SH3KBP1: variants seen among roughly 807,000 people sequenced by gnomAD.
The protein encoded by SH3KBP1 is SH3 domain containing kinase binding protein 1.
A neutral mutation model predicts 50.1 loss-of-function variants in SH3KBP1; 8 were observed. The observed-to-expected ratio is 0.16, with a 90% CI of 0.09 to 0.29. SH3KBP1 has a LOEUF of 0.29. Among genes scored for constraint, SH3KBP1 ranks in the 10% least tolerant of loss-of-function variants. SH3KBP1 has a pLI of 1.00. For synonymous variants in SH3KBP1, 227 were observed against 218.6 expected (o/e 1.04, Z -0.34); for missense variants, 377 against 535.2 (o/e 0.70, Z 2.92).
At chrX:19,674,456 T>C (rs1350712403) in intron 6 of SH3KBP1, among the ~76,000 whole-genome samples, 1 of 112,105 alleles carries the variant, frequency 8.9e-6, no homozygotes. Context: ...AGGCATTCAA[T>C]AAAGCTTCAG....
At chrX:19,592,005 G>A (rs765341670) in intron 11 of SH3KBP1, 62 bp downstream of exon 11, 233 of 916,941 alleles carry the variant, frequency 2.5e-4, no homozygotes, top group Non-Finnish European at 3.6e-4. Context: ...TGGACTAGCC[G>A]TGTAACAGAC....
At chrX:19,590,809 ATTTTTTTTT>A (rs34366083) in intron 11 of SH3KBP1, among the ~76,000 whole-genome samples, 6 of 23,764 alleles carry the variant, frequency 2.5e-4, no homozygotes, top group African/African-American at 3.8e-4. Context: ...AGGCCTGGCT[ATTTTTTTTT>A]TTTTTTTTTT....
intron 2 of SH3KBP1, among the ~76,000 whole-genome samples, chrX:19,804,270 C>T (rs2066969506): frequency 9.0e-6 from 1 of 111,249 alleles, no homozygotes; most frequent in Non-Finnish European, 1.9e-5. Flanking sequence ...CAACTCCTAC[C>T]TCATAATCAT....
At chrX:19,824,375 A>T (rs983739710) in intron 2 of SH3KBP1, among the ~76,000 whole-genome samples, 1 of 111,837 alleles carries the variant, frequency 8.9e-6, no homozygotes, top group Non-Finnish European at 1.9e-5. Context: ...GTACTGCCCT[A>T]TCGGTACCAT....
chrX:19,639,020 G>T (rs1283795583), intron 7 of SH3KBP1, among the ~76,000 whole-genome samples: 1 of 111,602 alleles, frequency 9.0e-6, no homozygotes, highest in Non-Finnish European at 1.9e-5. Context: ...GCATCTAGTG[G>T]GCAGAGGCCA....
intron 12 of SH3KBP1, among the ~76,000 whole-genome samples, chrX:19,584,467 C>G (rs1471624746): frequency 1.9e-5 from 2 of 106,948 alleles, no homozygotes; most frequent in African/African-American, 6.8e-5. Context: ...GTAGCTGAGA[C>G]TACAGATGTG....
chrX:19,863,860 G>A (rs1199283017), intron 1 of SH3KBP1, among the ~76,000 whole-genome samples: 1 of 112,074 alleles, frequency 8.9e-6, no homozygotes, highest in Non-Finnish European at 1.9e-5. Context: ...CAATCACAAA[G>A]CCTACAAACA....
At chrX:19,776,590 A>G (rs67848705) in intron 2 of SH3KBP1, among the ~76,000 whole-genome samples, 16,918 of 93,691 alleles carry the variant, frequency 0.18, 2,048 homozygotes, top group African/African-American at 0.35. Flanking sequence ...CTCTGTCACC[A>G]AAGCTGGAAT....
intron 4 of SH3KBP1, among the ~76,000 whole-genome samples, 197 bp downstream of exon 4, chrX:19,706,684 C>T (rs896832617): frequency 9.0e-6 from 1 of 110,576 alleles, no homozygotes; most frequent in South Asian, 3.8e-4. Flanking sequence ...TTCCAATGGC[C>T]CCAGGTATGA....
At chrX:19,884,249 C>A (rs1164279873) in intron 1 of SH3KBP1, among the ~76,000 whole-genome samples, 8 of 112,989 alleles carry the variant, frequency 7.1e-5, no homozygotes, top group Non-Finnish European at 1.3e-4. Flanking sequence ...CTTCATTAGA[C>A]TGAGAAGCCC....
At chrX:19,545,281 G>A (rs1332827625) in intron 15 of SH3KBP1, among the ~76,000 whole-genome samples, 2 of 112,055 alleles carry the variant, frequency 1.8e-5, no homozygotes, top group Non-Finnish European at 3.8e-5. Flanking sequence ...ATCTTGGTTC[G>A]TATTCACAGG....
intron 9 of SH3KBP1, among the ~76,000 whole-genome samples, chrX:19,607,232 G>A (rs925067520): frequency 8.9e-6 from 1 of 112,560 alleles, no homozygotes; most frequent in Admixed American, 9.4e-5. Context: ...AAGGTGGGCA[G>A]AGGCCACGCA....
chrX:19,865,314 T>G (rs1252067545), intron 1 of SH3KBP1, among the ~76,000 whole-genome samples: 1 of 112,236 alleles, frequency 8.9e-6, no homozygotes, highest in African/African-American at 3.2e-5. Context: ...GTTCTTCTGG[T>G]TGTTTGGCTG....
intron 1 of SH3KBP1, among the ~76,000 whole-genome samples, chrX:19,854,352 A>G (rs2068591912): frequency 9.0e-6 from 1 of 111,073 alleles, no homozygotes; most frequent in Admixed American, 9.6e-5. Flanking sequence ...CCTGACCTCC[A>G]GCAATCTGCC....
chrX:19,631,247 C>G (rs1411986560), intron 8 of SH3KBP1, among the ~76,000 whole-genome samples: 2 of 112,728 alleles, frequency 1.8e-5, no homozygotes, highest in African/African-American at 6.4e-5. Context: ...ATCTTTCAAC[C>G]ACCTACTTGG....
At chrX:19,594,249 T>A (rs1282469070) in intron 10 of SH3KBP1, among the ~76,000 whole-genome samples, 1 of 112,108 alleles carries the variant, frequency 8.9e-6, no homozygotes, top group African/African-American at 3.2e-5. Flanking sequence ...TAATTTTAAC[T>A]ATTATAAAGA....
chrX:19,644,011 G>C (rs2061932298), intron 7 of SH3KBP1, among the ~76,000 whole-genome samples: 1 of 111,965 alleles, frequency 8.9e-6, no homozygotes, highest in Non-Finnish European at 1.9e-5. Context: ...GTTCCTAGAG[G>C]GCCAGGTATG....
chrX:19,576,524 C>T (rs1253215328), intron 12 of SH3KBP1, among the ~76,000 whole-genome samples: 1 of 111,610 alleles, frequency 9.0e-6, no homozygotes, highest in Non-Finnish European at 1.9e-5. Flanking sequence ...ACTGTAGCCT[C>T]GAATTCCTGG....
intron 6 of SH3KBP1, among the ~76,000 whole-genome samples, chrX:19,671,393 C>T (rs1046560019): frequency 1.4e-4 from 15 of 110,011 alleles, no homozygotes; most frequent in African/African-American, 5.0e-4. Flanking sequence ...CACACACACA[C>T]ACATACACAC....
Sources: allele counts gnomAD v4.1 joint callset (sites outside exome capture counted in the v4.1 genomes callset), GRCh38; gene constraint gnomAD v4.1.1; transcripts MANE v1.5; gene names NCBI Gene and HGNC (gene_info 2026-07-23, HGNC 2026-07-21).